The following VWF variants were observed in gnomAD, a reference collection of about 807,000 sequenced individuals.
VWF encodes the protein von Willebrand factor.
In VWF, 176 loss-of-function variants were observed where a neutral mutation model predicts 308.6. The observed-to-expected ratio is 0.57, with a 90% CI of 0.50 to 0.65. The LOEUF is 0.65. Ranked by LOEUF, VWF falls within the 30% of genes least tolerant of loss-of-function variation. The pLI is 0.00. For synonymous variants in VWF, 1,385 were observed against 1,443.4 expected (o/e 0.96, Z 0.92); for missense variants, 3,146 against 3,648.2 (o/e 0.86, Z 3.55).
chr12:6,093,477 C>T (rs1242740273), intron 6 of VWF, among the ~76,000 whole-genome samples: 3 of 152,228 alleles, frequency 2.0e-5, no homozygotes, highest in Non-Finnish European at 4.4e-5. Flanking sequence ...TCCCACTGCC[C>T]AACTCTGCTT....
rs920688442 is a variant in VWF at position 6,058,897 on chromosome 12, G to A, written c.1534-853C>T. Among the ~76,000 whole-genome samples, 8 of 152,202 alleles carry A rather than the reference G, an allele frequency of 5.3e-5. No individual in the cohort carries two copies. The highest frequency in any genetic ancestry group is 7.3e-5 in the Non-Finnish European group (5 of 68,044). Reference sequence around the variant, plus strand: ...GCTGGGGGCATCTGCTGGTTTCTACGGAGAGGACCCCGATTTGAAGGTGGA... The same window carrying A: ...GCTGGGGGCATCTGCTGGTTTCTACAGAGAGGACCCCGATTTGAAGGTGGA... On this transcript the variant is annotated intron_variant, in intron 13 of 51. Coordinates refer to ENST00000261405, the MANE Select transcript of VWF (RefSeq NM_000552.5). This position sits in a 1 kb window ranked among gnomAD's most constrained non-coding sequence, Gnocchi z 4.9.
intron 14 of VWF, 82 bp downstream of exon 14, chr12:6,057,759 CGGTGGGAG>C: frequency 6.9e-7 from 1 of 1,443,120 alleles, no homozygotes; most frequent in Non-Finnish European, 9.2e-7. Flanking sequence ...CCGCCCTCCG[CGGTGGGAG>C]CACTGCCTCC....
intron 24 of VWF, among the ~76,000 whole-genome samples, 178 bp downstream of exon 24, chr12:6,025,402 T>C (rs1944179083): frequency 6.6e-6 from 1 of 152,258 alleles, no homozygotes; most frequent in Non-Finnish European, 1.5e-5. Flanking sequence ...CTAGAAACTG[T>C]TGATTTTACT....
Position 6,071,811 on chromosome 12 carries a change from G to A in VWF, c.1110-468C>T, listed in dbSNP as rs113527259. On this transcript the variant is annotated intron_variant, in intron 9 of 51. Transcript: ENST00000261405. ...CCTGGGGACCAAACGAGTTGTCCCT[G>A]CTGTGCAGGAGACTGGCAAAGCCAG... Among the ~76,000 whole-genome samples, 1,131 of 152,306 alleles carry A rather than the reference G, an allele frequency of 7.4e-3. 16 individuals carry two copies. The highest frequency in any genetic ancestry group is 0.025 in the African/African-American group (1,043 of 41,560).
chr12:6,007,994 G>A (rs1943948968), intron 34 of VWF, among the ~76,000 whole-genome samples: 1 of 152,136 alleles, frequency 6.6e-6, no homozygotes, highest in Non-Finnish European at 1.5e-5. Flanking sequence ...CCTGAATGAT[G>A]AATAAACAGA....
intron 31 of VWF, 58 bp downstream of exon 31, chr12:6,016,031 C>A: frequency 1.9e-6 from 3 of 1,610,434 alleles, no homozygotes; most frequent in Non-Finnish European, 2.5e-6. Context: ...ACTTTTAATC[C>A]TCTATCATTT....
chr12:6,023,874 C>A, intron 24 of VWF, 87 bp from the exon 25 acceptor site: 3 of 1,494,556 alleles, frequency 2.0e-6, no homozygotes, highest in South Asian at 2.4e-5. Context: ...TTCTGATGGT[C>A]AATTTAAGGA....
intron 6 of VWF, among the ~76,000 whole-genome samples, chr12:6,087,354 C>CTTTTT (rs948166436): frequency 8.4e-6 from 1 of 118,758 alleles, no homozygotes; most frequent in Non-Finnish European, 1.7e-5. Context: ...AGACTTAACT[C>CTTTTT]TTTTTTTTTT....
intron 6 of VWF, among the ~76,000 whole-genome samples, chr12:6,082,578 G>C (rs1944925424): frequency 6.6e-6 from 1 of 152,222 alleles, no homozygotes; most frequent in Admixed American, 6.5e-5. Flanking sequence ...TAAACACACT[G>C]TAACCTCCTC....
chr12:6,112,355 G>A (rs1264773114), intron 3 of VWF, among the ~76,000 whole-genome samples: 1 of 152,178 alleles, frequency 6.6e-6, no homozygotes, highest in Non-Finnish European at 1.5e-5. Context: ...ACTGCTACTC[G>A]TGGTGGGTCT....
intron 2 of VWF, 182 bp downstream of exon 2, chr12:6,122,960 C>CTGG: frequency 1.3e-6 from 1 of 792,536 alleles, no homozygotes; most frequent in Non-Finnish European, 2.3e-6. Flanking sequence ...TTGCAGGCAC[C>CTGG]TGGTCTCTGG....
intron 9 of VWF, among the ~76,000 whole-genome samples, chr12:6,072,064 G>A (rs1944787803): frequency 6.6e-6 from 1 of 152,174 alleles, no homozygotes; most frequent in African/African-American, 2.4e-5. Context: ...AGTTTGGAGG[G>A]ACAGCTAGAG....
At chr12:6,108,568 G>A (rs2136519457) in intron 5 of VWF, among the ~76,000 whole-genome samples, 1 of 149,468 alleles carries the variant, frequency 6.7e-6, no homozygotes. Flanking sequence ...ATTATTTTTG[G>A]GCATACATAG....
At chr12:5,975,918 T>C (rs1591838644) in intron 43 of VWF, among the ~76,000 whole-genome samples, 193 bp downstream of exon 43, 1 of 152,270 alleles carries the variant, frequency 6.6e-6, no homozygotes, top group East Asian at 1.9e-4. Context: ...TAAAGAACCT[T>C]TCTTGCCCTT....
chr12:6,101,604 G>A (rs1003963843), intron 5 of VWF, among the ~76,000 whole-genome samples: 4 of 151,866 alleles, frequency 2.6e-5, no homozygotes, highest in East Asian at 1.9e-4. Context: ...GTGAAACCCC[G>A]TCTCTATTAA....
At chr12:5,993,666 C>T (rs1477091284) in intron 37 of VWF, among the ~76,000 whole-genome samples, 196 bp downstream of exon 37, 2 of 148,138 alleles carry the variant, frequency 1.4e-5, no homozygotes, top group East Asian at 4.0e-4. Context: ...TATATATATA[C>T]ACACACACAC....
At chr12:6,040,743 AC>A (rs1457694753) in intron 18 of VWF, among the ~76,000 whole-genome samples, 1 of 152,094 alleles carries the variant, frequency 6.6e-6, no homozygotes, top group Non-Finnish European at 1.5e-5. Flanking sequence ...ATGCCAGGAG[AC>A]CTTTGCACGA....
intron 6 of VWF, among the ~76,000 whole-genome samples, chr12:6,081,809 G>A (rs1374200878): frequency 6.6e-6 from 1 of 152,158 alleles, no homozygotes; most frequent in Non-Finnish European, 1.5e-5. Context: ...TATGAGACAT[G>A]AGATATCCCA....
intron 22 of VWF, among the ~76,000 whole-genome samples, chr12:6,027,842 A>C (rs1433146105): frequency 1.1e-5 from 1 of 89,538 alleles, no homozygotes; most frequent in East Asian, 3.3e-4. Context: ...AATACATGGA[A>C]GACACATACA....
Sources: allele counts gnomAD v4.1 joint callset (sites outside exome capture counted in the v4.1 genomes callset), GRCh38; gene constraint gnomAD v4.1.1; non-coding constraint Gnocchi (gnomAD v3.1); transcripts MANE v1.5; gene names NCBI Gene and HGNC (gene_info 2026-07-23, HGNC 2026-07-21).